The following CORO2B variants were observed in gnomAD, a reference collection of about 807,000 sequenced individuals.
The protein encoded by CORO2B is coronin 2B.
In CORO2B, 26 loss-of-function variants were observed where a neutral mutation model predicts 58.8. That is an observed-to-expected ratio of 0.44 (90% confidence interval 0.32 to 0.61). The LOEUF (loss-of-function observed/expected upper bound fraction) is 0.61. CORO2B is among the 20% of genes least tolerant of loss of function. The pLI is 0.04. For missense variants in CORO2B, 460 were observed against 645.1 expected (o/e 0.71, Z 3.11); for synonymous variants, 242 against 253.8 (o/e 0.95, Z 0.44).
chr15:68,586,199 A>G (rs1344328413), intron 1 of CORO2B, among the ~76,000 whole-genome samples: 2 of 152,178 alleles, frequency 1.3e-5, no homozygotes, highest in South Asian at 2.1e-4. Context: ...AAGGATTGTT[A>G]TTAAGATAAA....
intron 3 of CORO2B, among the ~76,000 whole-genome samples, chr15:68,701,173 T>A (rs1312975996): frequency 6.6e-6 from 1 of 152,198 alleles, no homozygotes; most frequent in Non-Finnish European, 1.5e-5. Flanking sequence ...TCTTCACTAA[T>A]GATTTAGCAG....
chr15:68,568,787 A>C, the CORO2B span, among the ~76,000 whole-genome samples: 5 of 152,166 alleles, frequency 3.3e-5, no homozygotes, highest in Admixed American at 2.6e-4. Flanking sequence ...ATGGGAACAC[A>C]TGGACACAGG....
chr15:68,678,611 T>C (rs558376718), intron 2 of CORO2B, among the ~76,000 whole-genome samples: 15 of 152,132 alleles, frequency 9.9e-5, no homozygotes, highest in African/African-American at 3.4e-4. Flanking sequence ...GAGACAGAGG[T>C]TGCAGTGAGC....
rs568751216 is a variant in CORO2B at position 68,719,245 on chromosome 15, G to A, written c.1171+11G>A. The stretch of plus-strand genomic sequence containing the variant: ...GAGGCATCAACCGAGGTACCACAGC[G>A]GGGGGCTCCACAGAGCACAGGCGGC... On this transcript the variant is annotated intron_variant, in intron 10 of 11. Coordinates refer to ENST00000261861, the MANE Select transcript of CORO2B (RefSeq NM_006091.5). 2.7e-5 allele frequency: 43 copies of A among 1,612,516 alleles called. No individual in the cohort carries two copies. In the South Asian group the frequency reaches 3.1e-4, roughly 12 times the overall value.
the CORO2B span, among the ~76,000 whole-genome samples, chr15:68,529,350 C>T: frequency 2.6e-5 from 4 of 152,220 alleles, no homozygotes; most frequent in Non-Finnish European, 5.9e-5. Context: ...TATCAGTCAA[C>T]ACAGGTCACA....
chr15:68,609,983 C>T (rs1900211093), intron 1 of CORO2B, among the ~76,000 whole-genome samples: 2 of 152,306 alleles, frequency 1.3e-5, no homozygotes, highest in South Asian at 4.1e-4. Context: ...CCAGCCTCTC[C>T]CCTCTACCCA....
At chr15:68,590,639 C>T (rs1899680946) in intron 1 of CORO2B, among the ~76,000 whole-genome samples, 1 of 152,214 alleles carries the variant, frequency 6.6e-6, no homozygotes, top group African/African-American at 2.4e-5. Flanking sequence ...CTATAGAATT[C>T]CCTTCCTTTG....
intron 2 of CORO2B, among the ~76,000 whole-genome samples, chr15:68,691,723 C>G (rs1237379616): frequency 1.3e-5 from 2 of 151,900 alleles, no homozygotes; most frequent in Non-Finnish European, 2.9e-5. Flanking sequence ...GTCTCCTTCC[C>G]GAGTGCAGGG....
At chr15:68,696,653 T>C (rs1892520338) in intron 3 of CORO2B, among the ~76,000 whole-genome samples, 1 of 150,906 alleles carries the variant, frequency 6.6e-6, no homozygotes, top group Admixed American at 6.6e-5. Flanking sequence ...CCAGTGGAGG[T>C]AGGGTCAGAG....
chr15:68,611,241 AAC>A (rs955379896), intron 1 of CORO2B, among the ~76,000 whole-genome samples: 2 of 152,230 alleles, frequency 1.3e-5, no homozygotes, highest in African/African-American at 4.8e-5. Flanking sequence ...TTTAAAAAAT[AAC>A]AGTGTCTATT....
chr15:68,726,006 T>C lies in CORO2B; in HGVS notation c.*32T>C. On this transcript the variant is annotated 3_prime_UTR_variant, in exon 12 of 12. Coordinates refer to ENST00000261861, the MANE Select transcript of CORO2B (RefSeq NM_006091.5). ...AGCTGGGCTGTTTTCTAAGCCGATC[T>C]CTCCGTCGTTTCTACTCATCCCTTA... The C allele has an allele frequency of 6.2e-7, 1 of 1,609,460 alleles. No homozygotes were observed. The highest frequency in any genetic ancestry group is 2.2e-5 in the East Asian group (1 of 44,858).
intron 2 of CORO2B, among the ~76,000 whole-genome samples, chr15:68,667,336 A>G (rs1902225097): frequency 6.6e-6 from 1 of 152,108 alleles, no homozygotes; most frequent in African/African-American, 2.4e-5. Flanking sequence ...TGCTTTGCCA[A>G]CAGACTCTCC....
At chr15:68,588,790 A>C (rs1305194115) in intron 1 of CORO2B, among the ~76,000 whole-genome samples, 1 of 152,198 alleles carries the variant, frequency 6.6e-6, no homozygotes, top group Non-Finnish European at 1.5e-5. Flanking sequence ...CGGCTGATGG[A>C]AAGAAAGGTG....
At chr15:68,722,752 A>G (rs888973846) in intron 11 of CORO2B, among the ~76,000 whole-genome samples, 2 of 152,212 alleles carry the variant, frequency 1.3e-5, no homozygotes, top group Non-Finnish European at 2.9e-5. Context: ...TTTTTAAGTT[A>G]TATTTTTTTA....
the CORO2B span, among the ~76,000 whole-genome samples, chr15:68,566,393 C>G: frequency 6.6e-6 from 1 of 152,158 alleles, no homozygotes; most frequent in Admixed American, 6.5e-5. Flanking sequence ...GGTTCTAAAG[C>G]CTTATCTTCC....
At chr15:68,571,345 C>G in the CORO2B span, among the ~76,000 whole-genome samples, 2 of 152,112 alleles carry the variant, frequency 1.3e-5, no homozygotes, top group African/African-American at 4.8e-5. Context: ...TATTTTAATA[C>G]AAATAGATCC....
At chr15:68,624,597 C>T (rs1361794212) in intron 1 of CORO2B, among the ~76,000 whole-genome samples, 2 of 152,004 alleles carry the variant, frequency 1.3e-5, no homozygotes, top group East Asian at 3.9e-4. Flanking sequence ...GCTTTTTAAA[C>T]ATCAGACCCA....
At chr15:68,723,948 C>T (rs373012033) in intron 11 of CORO2B, among the ~76,000 whole-genome samples, 1 of 151,900 alleles carries the variant, frequency 6.6e-6, no homozygotes, top group Non-Finnish European at 1.5e-5. Flanking sequence ...CTCACACCTG[C>T]AATCCCAGCA....
intron 1 of CORO2B, among the ~76,000 whole-genome samples, chr15:68,636,373 C>A (rs1444872386): frequency 6.6e-6 from 1 of 152,198 alleles, no homozygotes; most frequent in Non-Finnish European, 1.5e-5. Flanking sequence ...GGATTCAGGG[C>A]AGAGGCCTGG....
Sources: gnomAD v4.1 joint callset for allele counts (sites outside exome capture counted in the v4.1 genomes callset) on GRCh38, gnomAD v4.1.1 for gene constraint, MANE v1.5 for transcripts, NCBI Gene and HGNC (gene_info 2026-07-23, HGNC 2026-07-21) for gene names.